Variants in CNBD1 observed in about 807,000 individuals in gnomAD.
CNBD1 encodes the protein cyclic nucleotide-binding domain-containing protein 1.
CNBD1 carries 71 observed loss-of-function variants against 54.4 expected under a neutral mutation model. That is an observed-to-expected ratio of 1.30 (90% CI 1.08 to 1.59). CNBD1 has a LOEUF of 1.59. CNBD1 is among the 40% of genes most tolerant of loss of function. The pLI is 0.00. For missense variants in CNBD1, 659 were observed against 518.0 expected, an observed-to-expected ratio of 1.27 and a Z score of -2.64; for synonymous variants, 182 against 170.7, an observed-to-expected ratio of 1.07 and a Z score of -0.51.
chr8:87,146,519 T>C (rs1395964311), intron 4 of CNBD1, among the ~76,000 whole-genome samples: 1 of 152,156 alleles, frequency 6.6e-6, no homozygotes, highest in African/African-American at 2.4e-5. Flanking sequence ...GCTTTAAATA[T>C]CATCTTTATG....
chr8:87,227,966 C>T (rs1440045919), intron 5 of CNBD1, among the ~76,000 whole-genome samples: 1 of 150,416 alleles, frequency 6.6e-6, no homozygotes, highest in African/African-American at 2.5e-5. Flanking sequence ...CTCTAAACTT[C>T]CCTTCTCGCT....
chr8:87,037,526 C>A (rs1285573813), intron 4 of CNBD1, among the ~76,000 whole-genome samples: 1 of 151,924 alleles, frequency 6.6e-6, no homozygotes, highest in Non-Finnish European at 1.5e-5. Flanking sequence ...CTTATATTTT[C>A]CAGTTTATCC....
chr8:87,351,727 T>C lies in CNBD1; in HGVS notation c.1085T>C (p.Ile362Thr). 2 of 1,537,530 alleles carry C rather than the reference T, an allele frequency of 1.3e-6. No individual in the cohort carries two copies. The highest frequency in any genetic ancestry group is 2.6e-5 in the South Asian group (2 of 77,798). The change falls in exon 9 of 11, where the codon ATT becomes ACT. Residue 362 changes from isoleucine (I) to threonine (T), a missense_variant. Coordinates refer to ENST00000518476, the MANE Select transcript of CNBD1 (RefSeq NM_173538.3). ...AATATAATTTCTTTTGTGGGTTATA[T>C]TAACTCTGGATGCTGTAACATTTAT... ...SGNIISFVGY[I>T]NSGCCNIYRS... is the part of the protein sequence containing the mutation.
intron 2 of CNBD1, among the ~76,000 whole-genome samples, chr8:87,402,904 C>A (rs1417588234): frequency 1.3e-5 from 2 of 151,956 alleles, no homozygotes; most frequent in Non-Finnish European, 2.9e-5. Context: ...AAGAATGGAG[C>A]TACTGCTGTA....
intron 4 of CNBD1, among the ~76,000 whole-genome samples, chr8:87,005,672 T>A (rs576470840): frequency 6.6e-6 from 1 of 152,168 alleles, no homozygotes; most frequent in Non-Finnish European, 1.5e-5. Flanking sequence ...GAAGACTTTA[T>A]TAAAGATTAT....
intron 4 of CNBD1, among the ~76,000 whole-genome samples, chr8:87,167,580 T>A (rs1191704345): frequency 6.6e-6 from 1 of 151,916 alleles, no homozygotes; most frequent in East Asian, 1.9e-4. Context: ...TGGGTTTAAC[T>A]TCCTAGCATC....
rs951141504 is a variant in CNBD1, at chr8:87,273,144, A to G, written c.772-11534A>G. 5.9e-5 allele frequency among the ~76,000 whole-genome samples: 9 copies of G among 152,130 alleles called. No individual in the cohort carries two copies. The East Asian group carries it at 1.7e-3, about 29-fold the overall frequency. ...AGTACTGTAGTAGTGATTATATAAC[A>G]GTAGTACAGTAACGGCAATACAGAG... On this transcript the variant is annotated intron_variant, in intron 6 of 10. Coordinates refer to ENST00000518476, the MANE Select transcript of CNBD1 (RefSeq NM_173538.3).
At chr8:86,921,052 TA>T (rs1037373280) in intron 3 of CNBD1, among the ~76,000 whole-genome samples, 10 of 151,972 alleles carry the variant, frequency 6.6e-5, no homozygotes, top group Admixed American at 2.0e-4. Flanking sequence ...CTGATAGACT[TA>T]AAAAAAATCT....
chr8:87,244,269 T>C (rs1807759049), intron 6 of CNBD1, among the ~76,000 whole-genome samples: 1 of 152,180 alleles, frequency 6.6e-6, no homozygotes, highest in South Asian at 2.1e-4. Context: ...CTGATAAACC[T>C]TTCCAAAGGT....
intron 8 of CNBD1, among the ~76,000 whole-genome samples, chr8:87,302,598 C>A (rs1455022687): frequency 2.6e-5 from 4 of 151,874 alleles, no homozygotes; most frequent in African/African-American, 2.4e-5. Flanking sequence ...CCCTCTCTCA[C>A]CACTCCTATT....
At chr8:87,205,803 T>C (rs898599173) in intron 4 of CNBD1, among the ~76,000 whole-genome samples, 190 bp from the exon 5 acceptor site, 1 of 152,122 alleles carries the variant, frequency 6.6e-6, no homozygotes, top group Admixed American at 6.5e-5. Flanking sequence ...TGAAAGCGCA[T>C]CTTAATGTCG....
chr8:87,066,770 A>G (rs1485359604), intron 4 of CNBD1, among the ~76,000 whole-genome samples: 1 of 151,918 alleles, frequency 6.6e-6, no homozygotes, highest in East Asian at 1.9e-4. Context: ...TATTTTGAAA[A>G]CTAATAGTTT....
intron 2 of CNBD1, among the ~76,000 whole-genome samples, chr8:87,407,603 T>C (rs1300854193): frequency 6.6e-6 from 1 of 152,070 alleles, no homozygotes; most frequent in Non-Finnish European, 1.5e-5. Flanking sequence ...GTATGGACTT[T>C]CACTTCAACC....
chr8:86,883,944 G>A (rs11787105), intron 1 of CNBD1, among the ~76,000 whole-genome samples: 72,693 of 151,506 alleles, frequency 0.48, 17,653 homozygotes, highest in East Asian at 0.56. Flanking sequence ...GAGGTCAGGA[G>A]ATCGAGACCA....
intron 6 of CNBD1, among the ~76,000 whole-genome samples, chr8:87,272,285 G>C (rs536499077): frequency 6.6e-6 from 1 of 151,972 alleles, no homozygotes; most frequent in Non-Finnish European, 1.5e-5. Context: ...GGACATCCCA[G>C]TTACTCTGAT....
At chr8:87,056,625 C>A (rs1302296210) in intron 4 of CNBD1, among the ~76,000 whole-genome samples, 2 of 151,888 alleles carry the variant, frequency 1.3e-5, no homozygotes, top group Non-Finnish European at 2.9e-5. Flanking sequence ...CAGAAATATT[C>A]TTGACCAAAA....
intron 6 of CNBD1, among the ~76,000 whole-genome samples, chr8:87,256,015 A>ATTTTTTTTTT: frequency 6.3e-5 from 1 of 15,786 alleles, no homozygotes; most frequent in Non-Finnish European, 1.0e-4. Flanking sequence ...ATATATATAT[A>ATTTTTTTTTT]TTTTTTTTTT....
At chr8:87,388,782 G>A (rs552116528) in intron 2 of CNBD1, among the ~76,000 whole-genome samples, 1 of 152,074 alleles carries the variant, frequency 6.6e-6, no homozygotes, top group Non-Finnish European at 1.5e-5. Context: ...ACCAAAGCCG[G>A]GCAGAGACAC....
intron 4 of CNBD1, among the ~76,000 whole-genome samples, chr8:87,148,301 C>T (rs912506139): frequency 1.9e-4 from 29 of 151,982 alleles, no homozygotes; most frequent in African/African-American, 7.0e-4. Context: ...AACTTTCTTG[C>T]CTTAGAGATG....
Sources: allele counts gnomAD v4.1 joint callset (sites outside exome capture counted in the v4.1 genomes callset), GRCh38; gene constraint gnomAD v4.1.1; transcripts MANE v1.5; gene names NCBI Gene and HGNC (gene_info 2026-07-23, HGNC 2026-07-21).